The following E4F1 variants were observed in gnomAD, a reference collection of about 807,000 sequenced individuals.
E4F1 encodes the protein E4F transcription factor 1, also known as transcription factor E4F1.
Under a neutral mutation model 72.9 loss-of-function variants are expected in E4F1, and 30 were observed. The observed-to-expected ratio is 0.41, with a 90% CI of 0.31 to 0.56. The LOEUF (loss-of-function observed/expected upper bound fraction) is 0.56. E4F1 is among the 20% of genes least tolerant of loss of function. The probability of loss-of-function intolerance (pLI) is 0.25; values close to 1 mark genes in which losing one functional copy is unlikely to be tolerated. For synonymous variants in E4F1, 542 were observed against 478.2 expected (o/e 1.13, Z -1.74); for missense variants, 1,091 against 1,117.5 (o/e 0.98, Z 0.34).
At position 2,232,327 on chromosome 16, in the gene E4F1, G is replaced by T; in HGVS notation, c.572G>T (p.Arg191Leu). Residue 191 changes from arginine (R) to leucine (L), a missense_variant, in exon 4 of 14, where the codon CGC (arginine) becomes CTC (leucine). Arg to Leu is a moderately radical substitution (Grantham distance 102). This residue lies in a region of E4F1 where 362 missense variants were observed against 358.6 expected (regional missense o/e 1.01). Transcript: ENST00000301727. ...QVKLLVNKDG[R>L]YVCALCHKTF... Reference sequence around the variant, plus strand: ...AAGCTACTGGTGAACAAGGATGGCCGCTATGTGTGTGCGCTGTGCCACAAG... The same window carrying T: ...AAGCTACTGGTGAACAAGGATGGCCTCTATGTGTGTGCGCTGTGCCACAAG... 1 of 1,608,648 alleles carries T rather than the reference G, an allele frequency of 6.2e-7. No homozygotes were observed. Among genetic ancestry groups the T allele is most frequent in the Non-Finnish European group, 8.5e-7 (1 of 1,177,526 alleles).
chr16:2,223,669 C>A lies in E4F1; in HGVS notation c.56C>A (p.Ala19Asp). 1 of 1,583,668 alleles carries A rather than the reference C, an allele frequency of 6.3e-7. No homozygotes were observed. The highest frequency in any genetic ancestry group is 8.5e-7 in the Non-Finnish European group (1 of 1,171,972). Reference protein sequence around the residue: ...VTAAHTAEAQAEAGREAGEGA... With the variant: ...VTAAHTAEAQDEAGREAGEGA... ...GCCGCTCATACGGCAGAAGCCCAGG[C>A]CGAAGCCGGGCGGGAAGCGGGCGAG... The change falls in exon 1 of 14, where the codon GCC becomes GAC. Residue 19 changes from alanine to aspartate, a missense_variant. Physicochemically the swap from Ala to Asp is moderately radical, Grantham distance 126 (BLOSUM62 -2). Around this residue, in one of 5 missense-constraint regions of E4F1, gnomAD observed 362 missense variants for 358.6 expected, o/e 1.01. Transcript: ENST00000301727.
At chr16:2,228,604 G>A in intron 2 of E4F1, 81 bp downstream of exon 2, 1 of 1,518,432 alleles carries the variant, frequency 6.6e-7, no homozygotes, top group Non-Finnish European at 8.9e-7. Flanking sequence ...GGATGGACCT[G>A]TGCAGCCGGT....
rs138985848 is a variant in E4F1 at position 2,235,285 on chromosome 16, G to C, written c.2068G>C (p.Val690Leu). Residue 690 changes from valine (V) to leucine (L), a missense_variant, in exon 14 of 14, where the codon GTG becomes CTG. Physicochemically the swap from Val to Leu is conservative, Grantham distance 32 (BLOSUM62 1). Transcript: ENST00000301727. Reference protein sequence around the residue: ...HQASAGHQIIVQNVTMDEETA... With the variant: ...HQASAGHQIILQNVTMDEETA... The stretch of plus-strand genomic sequence containing the variant: ...GGCTAGCGCCGGCCACCAGATCATC[G>C]TGCAGAACGTCACCATGGACGAGGA... The C allele has an allele frequency of 6.2e-7, 1 of 1,611,336 alleles. No individual in the cohort carries two copies. Among genetic ancestry groups the C allele is most frequent in the Non-Finnish European group, 8.5e-7 (1 of 1,179,906 alleles).
intron 5 of E4F1, 69 bp from the exon 6 acceptor site, chr16:2,232,687 T>A: frequency 6.2e-7 from 1 of 1,606,784 alleles, no homozygotes; most frequent in Non-Finnish European, 8.5e-7. Flanking sequence ...GGCCCCTGCC[T>A]GCCTTCGCCT....
intron 1 of E4F1, chr16:2,223,979 C>G (rs1010880182): frequency 2.0e-6 from 3 of 1,504,550 alleles, no homozygotes; most frequent in Non-Finnish European, 2.7e-6. Flanking sequence ...TGTCATCCCC[C>G]CTCTCTGGTG....
Position 2,233,117 on chromosome 16 carries a change from C to T in E4F1, c.990C>T (p.Thr330=), listed in dbSNP as rs369274242. 21 of 1,612,280 alleles carry T rather than the reference C, an allele frequency of 1.3e-5. No individual in the cohort carries two copies. Among genetic ancestry groups the T allele is most frequent in the Admixed American group, 5.0e-5 (3 of 59,976 alleles). ...ACCTGGTGACAGATGCCAAGGGCAC[C>T]GTCATCCACGAAGTCCACGTCCAGA... is the stretch of plus-strand genomic sequence containing the variant. ...VIHLVTDAKG[T]VIHEVHVQMQ... The change falls in exon 7 of 14, where the codon ACC becomes ACT. Residue 330 remains threonine, a synonymous_variant. Transcript: ENST00000301727.
intron 1 of E4F1, 146 bp downstream of exon 1, chr16:2,223,916 C>CA (rs1204850091): frequency 6.5e-7 from 1 of 1,531,210 alleles, no homozygotes; most frequent in Non-Finnish European, 8.7e-7. Flanking sequence ...CACAGCCCTC[C>CA]ACGAAACCCC....
intron 1 of E4F1, 33 bp from the exon 2 acceptor site, chr16:2,228,339 T>TC (rs747998671): frequency 6.2e-7 from 1 of 1,612,996 alleles, no homozygotes; most frequent in South Asian, 1.1e-5. Context: ...GCCTCCGCCT[T>TC]CCCAGGCCCT....
chr16:2,229,932 C>G, intron 3 of E4F1: 7 of 453,876 alleles, frequency 1.5e-5, no homozygotes, highest in Non-Finnish European at 1.7e-5. Flanking sequence ...TCTCTCCCGT[C>G]AGCTTTCCCG....
Position 2,234,228 on chromosome 16 carries a change from T to C in E4F1, c.1433T>C (p.Leu478Pro). 1 of 1,612,790 alleles carries C rather than the reference T, an allele frequency of 6.2e-7. No individual in the cohort carries two copies. The highest frequency in any genetic ancestry group is 8.5e-7 in the Non-Finnish European group (1 of 1,179,930). The change falls in exon 10 of 14, where the codon CTC becomes CCC. Residue 478 changes from leucine to proline, a missense_variant. Leu to Pro is a moderately conservative substitution (Grantham distance 98). This residue lies in a region of E4F1 where 622 missense variants were observed against 628.0 expected (regional missense o/e 0.99). Coordinates refer to ENST00000301727, the MANE Select transcript of E4F1 (RefSeq NM_004424.5). Reference protein sequence around the residue: ...CGKAFPKAYLLKKHQEVHVRE... With the variant: ...CGKAFPKAYLPKKHQEVHVRE... ...AAGGCCTTCCCCAAGGCCTACCTGC[T>C]CAAGAAGCACCAGGAGGTGCACGTG...
chr16:2,232,385 C>G, intron 4 of E4F1, 21 bp downstream of exon 4: 2 of 1,601,540 alleles, frequency 1.2e-6, no homozygotes, highest in Non-Finnish European at 1.7e-6. Context: ...GTGCGGGGAG[C>G]CAGTGTGTGG....
chr16:2,228,377 G>T lies in E4F1; in HGVS notation c.163G>T (p.Asp55Tyr). ...LPAPFSEEDE[D>Y]DVHRCGRCQA... is the part of the protein sequence containing the mutation. Reference sequence around the variant, plus strand: ...TGACAGCAGGCTCGTTGCAGATGAGGACGATGTGCACAGATGCGGCCGCTG... The same window carrying T: ...TGACAGCAGGCTCGTTGCAGATGAGTACGATGTGCACAGATGCGGCCGCTG... The change falls in exon 2 of 14, where the codon GAC becomes TAC. Residue 55 changes from aspartate (D) to tyrosine (Y), a missense_variant. By Grantham distance (160) the Asp-to-Tyr change is radical. Coordinates refer to ENST00000301727, the MANE Select transcript of E4F1 (RefSeq NM_004424.5). 6.2e-7 allele frequency: 1 copy of T among 1,613,794 alleles called. No individual in the cohort carries two copies.
intron 1 of E4F1, 171 bp downstream of exon 1, chr16:2,223,941 C>T (rs767807563): frequency 2.0e-5 from 31 of 1,527,392 alleles, no homozygotes; most frequent in Non-Finnish European, 2.4e-5. Context: ...TTTGCTGCGA[C>T]CCTCACGGGC....
Position 2,235,381 on chromosome 16 carries a change from C to T in E4F1, c.2164C>T (p.Gln722Ter). The part of the protein sequence containing the change: ...TIATPESLTE[Q>*]VAMTLASAIS... ...CGCCACCCCCGAGAGCCTGACAGAGCAGGTGGCCATGACGCTGGCCTCGGC... is the reference window on the plus strand; with the variant it reads ...CGCCACCCCCGAGAGCCTGACAGAGTAGGTGGCCATGACGCTGGCCTCGGC... The change falls in exon 14 of 14, where the codon CAG (glutamine) becomes TAG (stop). Residue 722 changes from glutamine to a stop codon, truncating the protein, a stop_gained. Transcript: ENST00000301727. LOFTEE classifies it high-confidence loss of function. The T allele has an allele frequency of 6.2e-7, 1 of 1,610,880 alleles. No individual in the cohort carries two copies. Among genetic ancestry groups the T allele is most frequent in the Non-Finnish European group, 8.5e-7 (1 of 1,179,940 alleles).
chr16:2,234,472 C>T (rs2141474398), intron 10 of E4F1, 84 bp downstream of exon 10: 2 of 1,572,174 alleles, frequency 1.3e-6, no homozygotes, highest in South Asian at 2.3e-5. Context: ...CCTTCCCTGC[C>T]TCCACCATGC....
Position 2,234,713 on chromosome 16 carries a change from T to TCAAGTGCTA in E4F1, c.1732_1740dup (p.Tyr578_Cys580dup). On this transcript the variant is annotated inframe_insertion, in exon 11 of 14. Coordinates refer to ENST00000301727, the MANE Select transcript of E4F1 (RefSeq NM_004424.5). Reference sequence around the variant, plus strand: ...CGACACCACACAGGCGAGAAGCCGTTCAAGTGCTACAAGTGCGGCCGTGGC... The same window carrying TCAAGTGCTA: ...CGACACCACACAGGCGAGAAGCCGTTCAAGTGCTACAAGTGCTACAAGTGCGGCCGTGGC... The TCAAGTGCTA allele has an allele frequency of 6.4e-7, 1 of 1,566,956 alleles. No individual in the cohort carries two copies.
rs766832827 is a variant in E4F1 at position 2,233,116 on chromosome 16, C to A, written c.989C>A (p.Thr330Asn). The A allele has an allele frequency of 6.2e-7, 1 of 1,612,476 alleles. No homozygotes were observed. The highest frequency in any genetic ancestry group is 1.1e-5 in the South Asian group (1 of 91,064). The change falls in exon 7 of 14, where the codon ACC becomes AAC. Residue 330 changes from threonine to asparagine, a missense_variant. By Grantham distance (65) the Thr-to-Asn change is moderately conservative. Transcript: ENST00000301727. ...VIHLVTDAKG[T>N]VIHEVHVQMQ... ...CACCTGGTGACAGATGCCAAGGGCA[C>A]CGTCATCCACGAAGTCCACGTCCAG...
At chr16:2,228,633 G>A (rs1391142100) in intron 2 of E4F1, 110 bp downstream of exon 2, 12 of 1,343,940 alleles carry the variant, frequency 8.9e-6, no homozygotes, top group Middle Eastern at 2.6e-4. Context: ...CCACGTGGGC[G>A]GGCAGAGGGC....
intron 5 of E4F1, 25 bp downstream of exon 5, chr16:2,232,601 G>A: frequency 2.5e-6 from 4 of 1,610,496 alleles, no homozygotes; most frequent in South Asian, 1.1e-5. Flanking sequence ...CCTCGGGCTG[G>A]AGCCCGGTAG....
Sources: allele counts gnomAD v4.1 joint callset, GRCh38; gene constraint gnomAD v4.1.1; regional missense constraint gnomAD v4.1.1; transcripts MANE v1.5; gene names NCBI Gene and HGNC (gene_info 2026-07-23, HGNC 2026-07-21).